Variants in SSBP2 observed in about 807,000 individuals in gnomAD.
The protein encoded by SSBP2 is single stranded DNA binding protein 2, also known as single-stranded DNA-binding protein 2.
SSBP2 carries 17 observed loss-of-function variants against 61.8 expected under a neutral mutation model. The observed-to-expected ratio is 0.28, with a 90% confidence interval of 0.19 to 0.41. The LOEUF (loss-of-function observed/expected upper bound fraction) is 0.41, where lower values mean the gene tolerates loss of function less well. Ranked by LOEUF, SSBP2 falls within the 10% of genes least tolerant of loss-of-function variation. The pLI is 1.00. For synonymous variants in SSBP2, 139 were observed against 141.3 expected, an observed-to-expected ratio of 0.98 and a Z score of 0.12; for missense variants, 310 against 458.7, an observed-to-expected ratio of 0.68 and a Z score of 2.96.
rs537497412 is a variant in SSBP2, at chr5:81,636,891, G to A, written c.136-273C>T. Among the ~76,000 whole-genome samples the A allele has an allele frequency of 2.0e-5, 3 of 152,252 alleles. No homozygotes were observed. The East Asian group carries it at 5.8e-4, about 29-fold the overall frequency. On this transcript the variant is annotated intron_variant, in intron 2 of 16. Coordinates refer to ENST00000320672, the MANE Select transcript of SSBP2 (RefSeq NM_012446.5). ...CTTTCAGTTTTAAATCCATCTTTCT[G>A]TGGTCTTTCAGATGCTGAGACTGGA...
rs35949448 is a variant in SSBP2 at position 81,679,956 on chromosome 5, GAA to G, written c.63-29619_63-29618del. On this transcript the variant is annotated intron_variant, in intron 1 of 16. Transcript: ENST00000320672. ...AAGGCCTCAATAGAATAAAAAGGTG[GAA>G]AAAAAAAAAAAAAGCAAATTTTCTC... Among the ~76,000 whole-genome samples, 646 of 137,834 alleles carry G rather than the reference GAA, an allele frequency of 4.7e-3. 3 individuals carry two copies. The highest frequency in any genetic ancestry group is 0.014 in the African/African-American group (538 of 38,192). 90.4% of individuals were successfully genotyped at this position (137,834 alleles called of 152,430 possible).
At chr5:81,569,652 C>T (rs1773693884) in intron 4 of SSBP2, among the ~76,000 whole-genome samples, 1 of 152,120 alleles carries the variant, frequency 6.6e-6, no homozygotes, top group African/African-American at 2.4e-5. Context: ...TAAAAATCCA[C>T]AAACAACTAA....
At chr5:81,653,036 T>G (rs1033007854) in intron 1 of SSBP2, among the ~76,000 whole-genome samples, 3 of 151,826 alleles carry the variant, frequency 2.0e-5, no homozygotes, top group Non-Finnish European at 4.4e-5. Flanking sequence ...CCACGGTGGT[T>G]TGCTGCACTC....
chr5:81,676,855 A>G (rs1205037816), intron 1 of SSBP2, among the ~76,000 whole-genome samples: 1 of 152,178 alleles, frequency 6.6e-6, no homozygotes, highest in East Asian at 1.9e-4. Context: ...GGTAGATGTT[A>G]GTGGAAAGAA....
chr5:81,489,131 AATAGC>A, intron 6 of SSBP2, 114 bp downstream of exon 6: 1 of 901,444 alleles, frequency 1.1e-6, no homozygotes, highest in South Asian at 1.6e-5. Flanking sequence ...GCAGACTAGA[AATAGC>A]ATTAAATGGG....
intron 1 of SSBP2, among the ~76,000 whole-genome samples, chr5:81,750,139 T>C (rs1189316676): frequency 6.6e-6 from 1 of 150,526 alleles, no homozygotes; most frequent in Non-Finnish European, 1.5e-5. Context: ...AACGCCAGCC[T>C]CCTCCAGCGG....
At chr5:81,633,957 T>TATAGA (rs1747967856) in intron 3 of SSBP2, among the ~76,000 whole-genome samples, 1 of 152,368 alleles carries the variant, frequency 6.6e-6, no homozygotes, top group Non-Finnish European at 1.5e-5. Flanking sequence ...TTATCTATTC[T>TATAGA]ATAGAACTAG....
rs572765574 is a variant in SSBP2, at chr5:81,465,330, A to G, written c.638+1644T>C. On this transcript the variant is annotated intron_variant, in intron 9 of 16. Transcript: ENST00000320672. ...ACCTAAATATCAACAAAAAGTAATC[A>G]TATTAAAAATTTCAGCCATATTTTT... Among the ~76,000 whole-genome samples, 41 of 152,064 alleles carry G rather than the reference A, an allele frequency of 2.7e-4. 1 individual carries two copies. Among genetic ancestry groups the G allele is most frequent in the Non-Finnish European group, 4.4e-5 (3 of 67,894 alleles).
chr5:81,743,251 A>G (rs1757148863), intron 1 of SSBP2, among the ~76,000 whole-genome samples: 1 of 152,162 alleles, frequency 6.6e-6, no homozygotes, highest in Non-Finnish European at 1.5e-5. Flanking sequence ...CATATCCTTG[A>G]GCAATTATGT....
intron 4 of SSBP2, among the ~76,000 whole-genome samples, chr5:81,517,543 C>T (rs1045009459): frequency 6.6e-6 from 1 of 151,908 alleles, no homozygotes; most frequent in Non-Finnish European, 1.5e-5. Flanking sequence ...TTAAAATGAA[C>T]TTATAGAGTT....
chr5:81,667,286 T>TACACACACACACACACACAC (rs71605804), intron 1 of SSBP2, among the ~76,000 whole-genome samples: 5 of 133,732 alleles, frequency 3.7e-5, no homozygotes, highest in African/African-American at 1.4e-4. Flanking sequence ...GGGATACAGA[T>TACACACACACACACACACAC]ACACACACAC....
At chr5:81,677,998 T>C (rs1752112639) in intron 1 of SSBP2, among the ~76,000 whole-genome samples, 1 of 152,160 alleles carries the variant, frequency 6.6e-6, no homozygotes, top group Non-Finnish European at 1.5e-5. Context: ...ACATCATGTC[T>C]GGCTTTAAGA....
At chr5:81,736,143 AACACACACAC>A (rs58588638) in intron 1 of SSBP2, among the ~76,000 whole-genome samples, 2 of 75,338 alleles carry the variant, frequency 2.7e-5, no homozygotes, top group African/African-American at 3.6e-5. Context: ...ACTACCCTGA[AACACACACAC>A]ACACACACAC....
At chr5:81,623,505 T>G (rs1370720251) in intron 3 of SSBP2, among the ~76,000 whole-genome samples, 2 of 151,600 alleles carry the variant, frequency 1.3e-5, no homozygotes, top group East Asian at 3.9e-4. Flanking sequence ...CCAGCTAATT[T>G]TTTGTATTTT....
chr5:81,538,325 G>A (rs1391630601), intron 4 of SSBP2, among the ~76,000 whole-genome samples: 1 of 152,178 alleles, frequency 6.6e-6, no homozygotes, highest in Non-Finnish European at 1.5e-5. Context: ...TCAATTGAGT[G>A]GTAAGAGAGC....
chr5:81,558,865 G>A (rs1772806362), intron 4 of SSBP2, among the ~76,000 whole-genome samples: 1 of 152,166 alleles, frequency 6.6e-6, no homozygotes, highest in African/African-American at 2.4e-5. Flanking sequence ...TGTCAGAATA[G>A]AACATCTGAT....
At chr5:81,672,875 CT>C (rs574442708) in intron 1 of SSBP2, among the ~76,000 whole-genome samples, 275 of 140,750 alleles carry the variant, frequency 2.0e-3, no homozygotes, top group Middle Eastern at 3.7e-3. Flanking sequence ...CACCTGGCCT[CT>C]TTTTTTTTTT....
At chr5:81,673,554 C>T (rs1751744895) in intron 1 of SSBP2, among the ~76,000 whole-genome samples, 1 of 151,838 alleles carries the variant, frequency 6.6e-6, no homozygotes, top group South Asian at 2.1e-4. Context: ...ATTTGCCCTG[C>T]CAAAAGAGCT....
chr5:81,493,201 TTCAAAAACATATATATA>T (rs1424705053), intron 5 of SSBP2, among the ~76,000 whole-genome samples: 67 of 151,692 alleles, frequency 4.4e-4, no homozygotes, highest in African/African-American at 1.3e-3. Flanking sequence ...TATATATATA[TTCAAAAACATATATATA>T]TCAAAAACAT....
Sources: gnomAD v4.1 joint callset for allele counts (sites outside exome capture counted in the v4.1 genomes callset) on GRCh38, gnomAD v4.1.1 for gene constraint, MANE v1.5 for transcripts, NCBI Gene and HGNC (gene_info 2026-07-23, HGNC 2026-07-21) for gene names.